Variants in ZBTB20 observed in about 807,000 individuals in gnomAD.
ZBTB20 encodes zinc finger and BTB domain-containing protein 20.
In ZBTB20, 9 loss-of-function variants were observed where a neutral mutation model predicts 56.9. The ratio of observed to expected loss-of-function variants is 0.16; its 90% CI spans 0.10 to 0.28. The LOEUF is 0.28. ZBTB20 is among the 10% of genes least tolerant of loss of function. ZBTB20 has a pLI of 1.00. For synonymous variants in ZBTB20, 417 were observed against 420.7 expected, an observed-to-expected ratio of 0.99 and a Z score of 0.11; for missense variants, 655 against 1,003.0, an observed-to-expected ratio of 0.65 and a Z score of 4.69.
chr3:114,683,133 T>A (rs2108263770), intron 6 of ZBTB20, among the ~76,000 whole-genome samples: 1 of 152,278 alleles, frequency 6.6e-6, no homozygotes, highest in South Asian at 2.1e-4. Context: ...TTAAGGTACC[T>A]TTTGCTGGAC....
At chr3:114,342,631 G>A (rs975776056) in intron 11 of ZBTB20, among the ~76,000 whole-genome samples, 12 of 152,116 alleles carry the variant, frequency 7.9e-5, no homozygotes, top group African/African-American at 1.4e-4. Flanking sequence ...TCGTGAAGGC[G>A]TTTTGAAAAT....
chr3:115,091,414 A>C (rs766014066), intron 1 of ZBTB20, among the ~76,000 whole-genome samples: 91 of 152,048 alleles, frequency 6.0e-4, no homozygotes, highest in Admixed American at 1.6e-3. Flanking sequence ...AGACCTAAAA[A>C]AACTTAAGTA....
intron 6 of ZBTB20, among the ~76,000 whole-genome samples, chr3:114,544,461 CTTTCTTTCTTTCTTTCTTTT>C (rs2049572934): frequency 2.4e-5 from 2 of 83,120 alleles, no homozygotes; most frequent in African/African-American, 1.1e-4. Flanking sequence ...TTCTTTCTTT[CTTTCTTTCTTTCTTTCTTTT>C]TCTTTCACTT....
intron 5 of ZBTB20, among the ~76,000 whole-genome samples, chr3:114,696,265 A>G (rs930688628): frequency 2.0e-5 from 3 of 152,104 alleles, no homozygotes; most frequent in Non-Finnish European, 2.9e-5. Flanking sequence ...GTAAAATTAA[A>G]TGAACCAATT....
chr3:114,689,465 A>G (rs752744941), intron 6 of ZBTB20, among the ~76,000 whole-genome samples: 57 of 152,274 alleles, frequency 3.7e-4, no homozygotes, highest in Middle Eastern at 3.4e-3. Context: ...TGGAAGGTGT[A>G]TCGTACTAGT....
chr3:115,139,164 T>G (rs907722357), intron 1 of ZBTB20, among the ~76,000 whole-genome samples: 1 of 151,996 alleles, frequency 6.6e-6, no homozygotes, highest in Admixed American at 6.6e-5. Flanking sequence ...TATTATATGA[T>G]CAGTACCAGG....
At chr3:114,868,447 A>T (rs1455318684) in intron 4 of ZBTB20, among the ~76,000 whole-genome samples, 1 of 152,196 alleles carries the variant, frequency 6.6e-6, no homozygotes, top group Non-Finnish European at 1.5e-5. Flanking sequence ...TTTTACCCAA[A>T]GCATCAAAAC....
At chr3:114,954,312 A>G (rs1032730889) in intron 3 of ZBTB20, among the ~76,000 whole-genome samples, 4 of 152,200 alleles carry the variant, frequency 2.6e-5, no homozygotes, top group African/African-American at 9.6e-5. Context: ...AATAATGTGA[A>G]ATGATTCAAC....
chr3:115,041,712 AAC>A (rs952251306), intron 2 of ZBTB20, among the ~76,000 whole-genome samples: 1 of 152,180 alleles, frequency 6.6e-6, no homozygotes, highest in Non-Finnish European at 1.5e-5. Context: ...ATTAGTAAGA[AAC>A]ACAAAAATAG....
chr3:114,455,894 A>G (rs2091983160), intron 7 of ZBTB20, among the ~76,000 whole-genome samples: 1 of 152,100 alleles, frequency 6.6e-6, no homozygotes, highest in Non-Finnish European at 1.5e-5. Context: ...AAAGCCCCAG[A>G]GATCAATCTC....
chr3:114,351,588 G>A lies in ZBTB20; in HGVS notation c.490C>T (p.Arg164Trp), dbSNP rs779425353. 2 of 1,614,068 alleles carry A rather than the reference G, an allele frequency of 1.2e-6. No homozygotes were observed. The highest frequency in any genetic ancestry group is 1.7e-6 in the Non-Finnish European group (2 of 1,180,030). The change falls in exon 11 of 12, where the codon CGG becomes TGG. Residue 164 changes from arginine to tryptophan, a missense_variant. Around this residue, in one of 10 missense-constraint regions of ZBTB20, gnomAD observed 167 missense variants for 281.9 expected, o/e 0.59. Coordinates refer to ENST00000675478, the MANE Select transcript of ZBTB20 (RefSeq NM_001348800.3). ...LIDFMYSGVL[R>W]VSQSEALQIL... ...TGCAGAGCTTCCGACTGCGAGACCC[G>A]TAGCACGCCGCTGTACATGAAGTCA...
chr3:114,766,698 A>C (rs75942324), intron 5 of ZBTB20, among the ~76,000 whole-genome samples: 2,190 of 152,114 alleles, frequency 0.014, 41 homozygotes, highest in South Asian at 0.062. Context: ...TACCCCTACT[A>C]ATTGTTCTTA....
At chr3:114,538,316 T>C (rs1005630398) in intron 6 of ZBTB20, among the ~76,000 whole-genome samples, 7 of 152,120 alleles carry the variant, frequency 4.6e-5, no homozygotes, top group Middle Eastern at 3.2e-3. Flanking sequence ...ACCCTAAAAA[T>C]CACTCTTCAA....
In ZBTB20 at chr3:114,320,893, T is replaced by C. The variant is rs1485553537; in HGVS notation, c.*18112A>G. 1 of 152,216 alleles carries C rather than the reference T, an allele frequency of 6.6e-6. No individual in the cohort carries two copies. The highest frequency in any genetic ancestry group is 1.5e-5 in the Non-Finnish European group (1 of 68,042). The allele number at this position is 152,216 out of a possible 1,614,324, so 9.4% of individuals were successfully genotyped here. A position where few individuals can be genotyped will look rare whatever the true frequency, so the allele number is the denominator to read the frequency against. The stretch of plus-strand genomic sequence containing the variant: ...GGGGTATAGAAAGATATATTTTAGA[T>C]AATATAAACTCCTGACAAGCTATGC... On this transcript the variant is annotated 3_prime_UTR_variant, in exon 12 of 12. Coordinates refer to ENST00000675478, the MANE Select transcript of ZBTB20 (RefSeq NM_001348800.3).
At chr3:114,998,236 C>A (rs1380776310) in intron 2 of ZBTB20, among the ~76,000 whole-genome samples, 1 of 151,590 alleles carries the variant, frequency 6.6e-6, no homozygotes, top group African/African-American at 2.4e-5. Flanking sequence ...AAATAAACAA[C>A]AAATTTTATT....
At chr3:114,959,609 C>A (rs1330177664) in intron 3 of ZBTB20, among the ~76,000 whole-genome samples, 1 of 151,888 alleles carries the variant, frequency 6.6e-6, no homozygotes, top group African/African-American at 2.4e-5. Flanking sequence ...CAAAGAGAAT[C>A]AGTCAGCTAG....
At chr3:114,453,023 T>C (rs1256363650) in intron 7 of ZBTB20, among the ~76,000 whole-genome samples, 1 of 152,166 alleles carries the variant, frequency 6.6e-6, no homozygotes, top group Non-Finnish European at 1.5e-5. Context: ...AGCATAAAGA[T>C]ATAAATGTAC....
intron 1 of ZBTB20, among the ~76,000 whole-genome samples, chr3:115,076,465 T>C (rs1210424026): frequency 1.3e-5 from 2 of 152,108 alleles, no homozygotes; most frequent in Admixed American, 1.3e-4. Context: ...AAAAGGATAG[T>C]CTCGTCAACA....
intron 2 of ZBTB20, among the ~76,000 whole-genome samples, chr3:115,050,985 A>T (rs1401632461): frequency 6.6e-6 from 1 of 152,094 alleles, no homozygotes; most frequent in Non-Finnish European, 1.5e-5. Flanking sequence ...CACAATCTTC[A>T]ATTTCAGGTA....
Sources: allele counts gnomAD v4.1 joint callset (sites outside exome capture counted in the v4.1 genomes callset), GRCh38; gene constraint gnomAD v4.1.1; regional missense constraint gnomAD v4.1.1; transcripts MANE v1.5; gene names NCBI Gene and HGNC (gene_info 2026-07-23, HGNC 2026-07-21).